ATRNL1: variants seen among roughly 807,000 people sequenced by gnomAD.
The protein encoded by ATRNL1 is attractin-like protein 1.
A neutral mutation model predicts 182.7 loss-of-function variants in ATRNL1; 95 were observed. The observed-to-expected ratio is 0.52, with a 90% confidence interval of 0.44 to 0.62. ATRNL1 has a LOEUF of 0.62. Ranked by LOEUF, ATRNL1 falls within the 20% of genes least tolerant of loss-of-function variation. The pLI is 0.00. For synonymous variants in ATRNL1, 576 were observed against 568.3 expected (o/e 1.01, Z -0.19); for missense variants, 1,471 against 1,679.5 (o/e 0.88, Z 2.17).
intron 28 of ATRNL1, among the ~76,000 whole-genome samples, chr10:115,884,746 A>T (rs969877576): frequency 4.6e-5 from 7 of 152,218 alleles, no homozygotes; most frequent in Admixed American, 4.6e-4. Context: ...TCACATGTAC[A>T]GGTCTTCCAA....
intron 18 of ATRNL1, among the ~76,000 whole-genome samples, chr10:115,320,860 C>A (rs149258871): frequency 0.012 from 1,884 of 152,278 alleles, 31 homozygotes; most frequent in African/African-American, 0.042. Flanking sequence ...CCTTCTGAAG[C>A]CTACTTCTGT....
At chr10:115,903,865 T>C (rs1555114011) in intron 28 of ATRNL1, among the ~76,000 whole-genome samples, 2 of 152,182 alleles carry the variant, frequency 1.3e-5, no homozygotes, top group Admixed American at 1.3e-4. Flanking sequence ...ATTTTAACTT[T>C]GCATTTTAAA....
intron 27 of ATRNL1, among the ~76,000 whole-genome samples, chr10:115,742,669 T>G (rs1438845675): frequency 2.0e-5 from 3 of 152,192 alleles, no homozygotes; most frequent in Admixed American, 1.3e-4. Flanking sequence ...TTATCATCAC[T>G]ACTGCCCCTG....
chr10:115,500,107 T>C (rs1007856057), intron 24 of ATRNL1, among the ~76,000 whole-genome samples: 3 of 152,028 alleles, frequency 2.0e-5, no homozygotes, highest in Non-Finnish European at 4.4e-5. Flanking sequence ...AAAGGAACAA[T>C]CCTGGATAAT....
chr10:115,271,981 G>T (rs1378817576), intron 13 of ATRNL1, among the ~76,000 whole-genome samples: 2 of 152,040 alleles, frequency 1.3e-5, no homozygotes, highest in Non-Finnish European at 2.9e-5. Context: ...TCTTGCTCTG[G>T]GTTCACTTGA....
At chr10:115,388,034 G>A (rs1188740311) in intron 19 of ATRNL1, among the ~76,000 whole-genome samples, 3 of 152,152 alleles carry the variant, frequency 2.0e-5, no homozygotes, top group African/African-American at 7.2e-5. Flanking sequence ...GTGACATAAT[G>A]CATGATTATG....
rs1850940068 is a variant in ATRNL1 at position 115,521,578 on chromosome 10, C to T, written c.3716+2254C>T. ...GAATCTTGAGGTTTTTTATTTTAAG[C>T]TTTTGAATTTGTGTGCATATTTAAA... On this transcript the variant is annotated intron_variant, in intron 25 of 28. Coordinates refer to ENST00000355044, the MANE Select transcript of ATRNL1 (RefSeq NM_207303.4). Among the ~76,000 whole-genome samples the T allele has an allele frequency of 2.0e-5, 3 of 152,110 alleles. No homozygotes were observed. In the East Asian group the frequency reaches 5.8e-4, roughly 29 times the overall value.
intron 10 of ATRNL1, among the ~76,000 whole-genome samples, chr10:115,258,948 C>T (rs1268732019): frequency 1.3e-5 from 2 of 152,172 alleles, no homozygotes; most frequent in Admixed American, 1.3e-4. Flanking sequence ...CCAGCGGAGG[C>T]TGCAGAACAG....
intron 19 of ATRNL1, among the ~76,000 whole-genome samples, chr10:115,382,615 C>T (rs1280523993): frequency 6.6e-6 from 1 of 150,852 alleles, no homozygotes; most frequent in Non-Finnish European, 1.5e-5. Context: ...TTAGGCTATC[C>T]AAGATCATGT....
At chr10:115,453,760 A>T (rs998514187) in intron 21 of ATRNL1, among the ~76,000 whole-genome samples, 3 of 140,184 alleles carry the variant, frequency 2.1e-5, no homozygotes, top group South Asian at 5.0e-4. Context: ...GAACACATGG[A>T]CACAGGAAGG....
intron 28 of ATRNL1, among the ~76,000 whole-genome samples, chr10:115,849,207 A>C (rs189258255): frequency 8.7e-4 from 133 of 152,294 alleles, no homozygotes; most frequent in Non-Finnish European, 1.6e-3. Context: ...AGAAATAAAC[A>C]TTTTCTGCAC....
intron 27 of ATRNL1, among the ~76,000 whole-genome samples, chr10:115,840,066 C>T (rs1162380361): frequency 6.6e-6 from 1 of 152,044 alleles, no homozygotes; most frequent in Non-Finnish European, 1.5e-5. Flanking sequence ...TCTTAAATGC[C>T]TCAGTCTTAG....
chr10:115,221,486 C>A (rs1219913368), intron 9 of ATRNL1, among the ~76,000 whole-genome samples: 2 of 152,118 alleles, frequency 1.3e-5, no homozygotes, highest in African/African-American at 4.8e-5. Flanking sequence ...TGGACTGTTA[C>A]TTCCCCTGAG....
intron 25 of ATRNL1, among the ~76,000 whole-genome samples, chr10:115,530,898 G>A (rs1449947483): frequency 3.3e-5 from 5 of 150,408 alleles, no homozygotes; most frequent in South Asian, 2.1e-4. Flanking sequence ...TTGTCCTTGC[G>A]ATAGTTTACT....
intron 8 of ATRNL1, among the ~76,000 whole-genome samples, chr10:115,207,262 A>G (rs1451147774): frequency 6.6e-6 from 1 of 152,174 alleles, no homozygotes; most frequent in Non-Finnish European, 1.5e-5. Flanking sequence ...AGGAATCACC[A>G]CACTGTCTTC....
At chr10:115,390,008 T>A (rs1485780409) in intron 19 of ATRNL1, among the ~76,000 whole-genome samples, 4 of 152,130 alleles carry the variant, frequency 2.6e-5, no homozygotes, top group Admixed American at 6.5e-5. Context: ...TTAAAAAAAA[T>A]TTATTTAGGT....
chr10:115,201,227 T>G (rs1257153096), intron 8 of ATRNL1, among the ~76,000 whole-genome samples: 9 of 152,086 alleles, frequency 5.9e-5, no homozygotes, highest in East Asian at 5.8e-4. Context: ...AGAAGCTCTT[T>G]AGTTTAATGA....
intron 20 of ATRNL1, among the ~76,000 whole-genome samples, chr10:115,413,555 G>GT (rs1484590272): frequency 2.6e-5 from 4 of 151,848 alleles, no homozygotes; most frequent in Non-Finnish European, 2.9e-5. Flanking sequence ...ATGAATTCCT[G>GT]TTTTTTTCCC....
chr10:115,457,664 T>C (rs975751078), intron 21 of ATRNL1, among the ~76,000 whole-genome samples: 1 of 152,098 alleles, frequency 6.6e-6, no homozygotes, highest in Admixed American at 6.6e-5. Context: ...ATTGAGAAAA[T>C]GGAAGCAATA....
Sources: allele counts gnomAD v4.1 joint callset (sites outside exome capture counted in the v4.1 genomes callset), GRCh38; gene constraint gnomAD v4.1.1; transcripts MANE v1.5; gene names NCBI Gene and HGNC (gene_info 2026-07-23, HGNC 2026-07-21).